The following NFIB variants were observed in gnomAD, a reference collection of about 807,000 sequenced individuals.
NFIB encodes the protein nuclear factor I B, also known as nuclear factor 1 B-type.
A neutral mutation model predicts 61.5 loss-of-function variants in NFIB; 11 were observed. That is an observed-to-expected ratio of 0.18 (90% confidence interval 0.11 to 0.30). The LOEUF (loss-of-function observed/expected upper bound fraction) is 0.30, where lower values mean the gene tolerates loss of function less well. NFIB is among the 10% of genes least tolerant of loss of function. The pLI, the probability that NFIB is intolerant of heterozygous loss-of-function variation, is 1.00. For synonymous variants in NFIB, 260 were observed against 216.5 expected (o/e 1.20, Z -1.76); for missense variants, 471 against 608.9 (o/e 0.77, Z 2.38).
intron 1 of NFIB, among the ~76,000 whole-genome samples, chr9:14,369,032 C>T (rs954735635): frequency 2.8e-4 from 43 of 152,238 alleles, no homozygotes; most frequent in African/African-American, 9.6e-4. Context: ...GTGCCTGATA[C>T]ATAATATCTC....
chr9:14,448,081 T>A, the NFIB span, among the ~76,000 whole-genome samples: 335 of 152,306 alleles, frequency 2.2e-3, 3 homozygotes, highest in African/African-American at 7.8e-3. Flanking sequence ...ACCATATATG[T>A]AACCATAGAT....
intron 2 of NFIB, among the ~76,000 whole-genome samples, chr9:14,200,552 C>G (rs940440763): frequency 6.6e-6 from 1 of 152,112 alleles, no homozygotes; most frequent in African/African-American, 2.4e-5. Flanking sequence ...TTGACTTTCC[C>G]AGACTCTACT....
At chr9:14,102,724 CTATT>C (rs2035961261) in intron 10 of NFIB, among the ~76,000 whole-genome samples, 1 of 151,880 alleles carries the variant, frequency 6.6e-6, no homozygotes, top group Non-Finnish European at 1.5e-5. Flanking sequence ...ATATGCTTCT[CTATT>C]AATTAAAGCA....
chr9:14,194,292 T>A (rs189921450), intron 2 of NFIB, among the ~76,000 whole-genome samples: 1 of 152,138 alleles, frequency 6.6e-6, no homozygotes, highest in East Asian at 1.9e-4. Context: ...CTTTCCCCAA[T>A]GAGAAACTTA....
the NFIB span, among the ~76,000 whole-genome samples, chr9:14,467,191 T>C: frequency 8.5e-5 from 13 of 152,172 alleles, no homozygotes; most frequent in Non-Finnish European, 1.5e-4. Flanking sequence ...TTGATGAGTT[T>C]AGGGCACCAC....
At chr9:14,181,900 G>A (rs2046822201) in intron 2 of NFIB, among the ~76,000 whole-genome samples, 1 of 152,184 alleles carries the variant, frequency 6.6e-6, no homozygotes, top group Non-Finnish European at 1.5e-5. Flanking sequence ...CTTATTTCAG[G>A]AGTTGTAGAC....
At chr9:14,159,570 T>G (rs2043902008) in intron 3 of NFIB, among the ~76,000 whole-genome samples, 1 of 152,200 alleles carries the variant, frequency 6.6e-6, no homozygotes, top group Non-Finnish European at 1.5e-5. Flanking sequence ...GCCACCTTCA[T>G]GCATCTCTGC....
chr9:14,105,305 A>C (rs2036394667), intron 10 of NFIB, among the ~76,000 whole-genome samples: 1 of 152,242 alleles, frequency 6.6e-6, no homozygotes, highest in African/African-American at 2.4e-5. Flanking sequence ...TACATTCAAA[A>C]TAAACAACAA....
intron 2 of NFIB, among the ~76,000 whole-genome samples, chr9:14,282,341 A>G (rs1048392754): frequency 2.0e-5 from 3 of 152,180 alleles, no homozygotes; most frequent in African/African-American, 2.4e-5. Context: ...TATCCCATAA[A>G]TATTATTAAA....
chr9:14,360,204 TATATTAAGC>T (rs1378963853), intron 1 of NFIB, among the ~76,000 whole-genome samples: 2 of 152,194 alleles, frequency 1.3e-5, no homozygotes, highest in Non-Finnish European at 2.9e-5. Flanking sequence ...TACAAACACT[TATATTAAGC>T]CCAACCCTTA....
chr9:14,310,430 AT>A (rs1235991999), intron 1 of NFIB, among the ~76,000 whole-genome samples: 1 of 152,188 alleles, frequency 6.6e-6, no homozygotes, highest in East Asian at 1.9e-4. Context: ...ATATTTCTGT[AT>A]TAACATGCCT....
chr9:14,159,381 A>G (rs909889932), intron 3 of NFIB, among the ~76,000 whole-genome samples: 1 of 152,234 alleles, frequency 6.6e-6, no homozygotes, highest in African/African-American at 2.4e-5. Context: ...GATAAAATGC[A>G]AAAAACCACA....
At chr9:14,179,624 G>C in intron 3 of NFIB, 103 bp downstream of exon 3, 2 of 1,281,378 alleles carry the variant, frequency 1.6e-6, no homozygotes, top group Non-Finnish European at 2.2e-6. Flanking sequence ...CTGCCTGCCA[G>C]AACAAAATAG....
At chr9:14,314,228 G>A (rs1244225929), upstream of NFIB, 1 of 758,058 alleles carries the variant, frequency 1.3e-6, no homozygotes, top group Admixed American at 6.2e-5. Context: ...GTGAGGGAGG[G>A]GGCGCGAGCG....
At chr9:14,333,986 GA>G (rs1396397718) in intron 1 of NFIB, among the ~76,000 whole-genome samples, 13 of 152,204 alleles carry the variant, frequency 8.5e-5, no homozygotes, top group African/African-American at 2.9e-4. Context: ...TGTTATGTCT[GA>G]ATTATTTCGT....
intron 2 of NFIB, among the ~76,000 whole-genome samples, chr9:14,222,086 A>G (rs1164449966): frequency 6.6e-6 from 1 of 152,136 alleles, no homozygotes; most frequent in African/African-American, 2.4e-5. Context: ...CCCATTTCCA[A>G]TGCACTGGTG....
chr9:14,371,605 T>C (rs573672763), intron 1 of NFIB, among the ~76,000 whole-genome samples: 1 of 152,248 alleles, frequency 6.6e-6, no homozygotes, highest in South Asian at 2.1e-4. Flanking sequence ...AGTTTGCCTG[T>C]AACAGTATTT....
chr9:14,218,745 A>G (rs964869342), intron 2 of NFIB, among the ~76,000 whole-genome samples: 13 of 152,186 alleles, frequency 8.5e-5, no homozygotes, highest in Non-Finnish European at 1.6e-4. Context: ...TTGGAAGTGG[A>G]CTTATTTAAA....
chr9:14,100,372 C>A (rs1025430685), intron 10 of NFIB, among the ~76,000 whole-genome samples: 1 of 152,106 alleles, frequency 6.6e-6, no homozygotes, highest in South Asian at 2.1e-4. Context: ...AGATTTATTG[C>A]CCACTCATCT....
Sources: allele counts gnomAD v4.1 joint callset (sites outside exome capture counted in the v4.1 genomes callset), GRCh38; gene constraint gnomAD v4.1.1; transcripts MANE v1.5; gene names NCBI Gene and HGNC (gene_info 2026-07-23, HGNC 2026-07-21).